The following MEI4 variants were observed in gnomAD, a reference collection of about 807,000 sequenced individuals.
MEI4 encodes the protein meiotic double-stranded break formation protein 4.
A neutral mutation model predicts 31.4 loss-of-function variants in MEI4; 27 were observed. The observed-to-expected ratio is 0.86, with a 90% CI of 0.63 to 1.19. The LOEUF is 1.19. Ranked by LOEUF, MEI4 falls within the 50% of genes most tolerant of loss-of-function variation. The probability of loss-of-function intolerance (pLI) is 0.00; values close to 1 mark genes in which losing one functional copy is unlikely to be tolerated. For missense variants in MEI4, 329 were observed against 398.9 expected, an observed-to-expected ratio of 0.82 and a Z score of 1.49; for synonymous variants, 122 against 145.4, an observed-to-expected ratio of 0.84 and a Z score of 1.16.
chr6:77,706,052 CCTT>C (rs1766325066), intron 2 of MEI4, among the ~76,000 whole-genome samples: 1 of 152,132 alleles, frequency 6.6e-6, no homozygotes, highest in Admixed American at 6.5e-5. Flanking sequence ...CCCTTTCTGA[CCTT>C]CTCCCCTTCT....
At chr6:77,866,612 G>A (rs1290028886) in intron 4 of MEI4, among the ~76,000 whole-genome samples, 1 of 152,176 alleles carries the variant, frequency 6.6e-6, no homozygotes, top group Non-Finnish European at 1.5e-5. Flanking sequence ...CCATGCTCAT[G>A]GGTAGGAAGA....
At chr6:77,867,612 G>A (rs915198045) in intron 4 of MEI4, among the ~76,000 whole-genome samples, 2 of 152,178 alleles carry the variant, frequency 1.3e-5, no homozygotes, top group Non-Finnish European at 1.5e-5. Context: ...CTTTTACACT[G>A]TTGGTGGTAC....
intron 2 of MEI4, among the ~76,000 whole-genome samples, chr6:77,745,976 T>A (rs1232888386): frequency 1.3e-5 from 2 of 151,160 alleles, no homozygotes; most frequent in Non-Finnish European, 3.0e-5. Context: ...AAGCAGTGTG[T>A]AGAGGGAAAT....
chr6:77,823,471 T>G (rs1293400820), intron 3 of MEI4, among the ~76,000 whole-genome samples: 1 of 152,232 alleles, frequency 6.6e-6, no homozygotes, highest in Non-Finnish European at 1.5e-5. Context: ...TCTGGATATT[T>G]CAGCCATTAA....
chr6:77,905,729 C>A (rs1364179764), intron 4 of MEI4, among the ~76,000 whole-genome samples: 1 of 150,568 alleles, frequency 6.6e-6, no homozygotes, highest in South Asian at 2.1e-4. Flanking sequence ...ATCTCCTGAC[C>A]TTGTGATCTG....
At position 77,730,385 on chromosome 6, in the gene MEI4, G is replaced by C. The variant is rs139493250; in HGVS notation, c.233-30745G>C. Among the ~76,000 whole-genome samples the C allele has an allele frequency of 5.9e-3, 890 of 151,994 alleles. 2 individuals carry two copies. Among genetic ancestry groups the C allele is most frequent in the Non-Finnish European group, 8.3e-3 (565 of 67,990 alleles). On this transcript the variant is annotated intron_variant, in intron 2 of 4. Coordinates refer to ENST00000684080, the MANE Select transcript of MEI4 (RefSeq NM_001322247.2). ...TATTGACATCACAATATAAGTGTTC[G>C]CCTTCTCTCATCCTGACACTTCCTG... is the stretch of plus-strand genomic sequence containing the variant.
At chr6:77,909,430 C>T (rs941864768) in intron 4 of MEI4, among the ~76,000 whole-genome samples, 5 of 152,148 alleles carry the variant, frequency 3.3e-5, no homozygotes, top group Admixed American at 3.3e-4. Flanking sequence ...CTATAAACAC[C>T]TCTATGCAAA....
intron 2 of MEI4, among the ~76,000 whole-genome samples, chr6:77,733,785 A>C (rs1460647408): frequency 6.6e-6 from 1 of 151,988 alleles, no homozygotes; most frequent in Non-Finnish European, 1.5e-5. Flanking sequence ...ATTTCCCTCT[A>C]CACAGTGCTT....
intron 1 of MEI4, among the ~76,000 whole-genome samples, chr6:77,662,250 C>T (rs956052532): frequency 1.3e-5 from 2 of 152,166 alleles, no homozygotes; most frequent in African/African-American, 4.8e-5. Context: ...GATACTACAG[C>T]ATAGCCTGCC....
rs1220251759 is a variant in MEI4 at position 77,680,115 on chromosome 6, C to CAAA, written c.-14-10531_-14-10529dup. On this transcript the variant is annotated intron_variant, in intron 1 of 4. Transcript: ENST00000684080. ...TGAAACCCCGTCCCTACTAAAAATA[C>CAAA]AAAAAAAAAAAAAATTAGCTGGGCG... Among the ~76,000 whole-genome samples the CAAA allele has an allele frequency of 1.5e-4, 6 of 39,754 alleles. 1 individual carries two copies. The highest frequency in any genetic ancestry group is 4.9e-4 in the African/African-American group (4 of 8,194). The allele number at this position is 39,754 out of a possible 152,430, so 26.1% of individuals were successfully genotyped here. A position where few individuals can be genotyped will look rare whatever the true frequency, so the allele number is the denominator to read the frequency against.
intron 1 of MEI4, among the ~76,000 whole-genome samples, chr6:77,655,908 A>G (rs745452246): frequency 8.5e-5 from 13 of 152,184 alleles, no homozygotes; most frequent in Non-Finnish European, 1.8e-4. Context: ...TATTTTCAGT[A>G]GATAATCAAA....
rs188725524 is a variant in MEI4 at position 77,820,064 on chromosome 6, G to A, written c.769-8867G>A. Among the ~76,000 whole-genome samples the A allele has an allele frequency of 9.4e-4, 142 of 151,656 alleles. No individual in the cohort carries two copies. Among genetic ancestry groups the A allele is most frequent in the African/African-American group, 3.2e-3 (134 of 41,330 alleles). The stretch of plus-strand genomic sequence containing the variant: ...CCTAAATCTTATTTTTTTCTGAATG[G>A]TTTTCCTTCTATCACTGTGTACTTG... On this transcript the variant is annotated intron_variant, in intron 3 of 4. Transcript: ENST00000684080. The surrounding 1 kb of genome is among the most constrained non-coding windows in gnomAD (Gnocchi z 4.5).
intron 4 of MEI4, among the ~76,000 whole-genome samples, chr6:77,850,113 A>G (rs891822308): frequency 6.6e-6 from 1 of 152,180 alleles, no homozygotes; most frequent in Non-Finnish European, 1.5e-5. Context: ...AGTTGAAAGC[A>G]GGGATTTTTA....
intron 2 of MEI4, among the ~76,000 whole-genome samples, chr6:77,730,915 C>A (rs1766969276): frequency 1.3e-5 from 2 of 151,624 alleles, no homozygotes; most frequent in South Asian, 2.1e-4. Context: ...ACTGAGAATG[C>A]TGATTTCCAA....
At chr6:77,761,018 A>C (rs1253204795) in intron 2 of MEI4, 112 bp from the exon 3 acceptor site, 1 of 686,508 alleles carries the variant, frequency 1.5e-6, no homozygotes, top group South Asian at 7.9e-5. Context: ...TTAAATGCTT[A>C]ATGTGTATTT....
At chr6:77,737,254 A>T (rs1217715704) in intron 2 of MEI4, among the ~76,000 whole-genome samples, 1 of 152,216 alleles carries the variant, frequency 6.6e-6, no homozygotes, top group Non-Finnish European at 1.5e-5. Context: ...GGCTATTTAG[A>T]CAGAGTAATT....
At chr6:77,706,496 T>A (rs746262592) in intron 2 of MEI4, among the ~76,000 whole-genome samples, 31 of 152,198 alleles carry the variant, frequency 2.0e-4, no homozygotes, top group Non-Finnish European at 3.8e-4. Flanking sequence ...GGTTGTCAAT[T>A]CCAAAGGCTC....
At chr6:77,756,800 A>C (rs1767930581) in intron 2 of MEI4, among the ~76,000 whole-genome samples, 1 of 152,104 alleles carries the variant, frequency 6.6e-6, no homozygotes, top group Non-Finnish European at 1.5e-5. Flanking sequence ...TATAAATATT[A>C]AAGATGACAG....
At chr6:77,746,408 TTAAG>T (rs1476971258) in intron 2 of MEI4, among the ~76,000 whole-genome samples, 1 of 152,132 alleles carries the variant, frequency 6.6e-6, no homozygotes, top group East Asian at 1.9e-4. Context: ...TAACCCTTCC[TTAAG>T]TAAGGGGGGA....
Sources: gnomAD v4.1 joint callset for allele counts (sites outside exome capture counted in the v4.1 genomes callset) on GRCh38, gnomAD v4.1.1 for gene constraint, Gnocchi (gnomAD v3.1) non-coding constraint, MANE v1.5 for transcripts, NCBI Gene and HGNC (gene_info 2026-07-23, HGNC 2026-07-21) for gene names.